The following HS3ST5 variants were observed in gnomAD, a reference collection of about 807,000 sequenced individuals.
HS3ST5 encodes heparan sulfate-glucosamine 3-sulfotransferase 5, also known as heparan sulfate glucosamine 3-O-sulfotransferase 5.
Under a neutral mutation model 25.4 loss-of-function variants are expected in HS3ST5, and 10 were observed. The observed-to-expected ratio is 0.39, with a 90% CI of 0.24 to 0.67. HS3ST5 has a LOEUF of 0.67. Among genes scored for constraint, HS3ST5 ranks in the 30% least tolerant of loss-of-function variants. HS3ST5 has a pLI of 0.44. For synonymous variants in HS3ST5, 170 were observed against 162.4 expected, an observed-to-expected ratio of 1.05 and a Z score of -0.36; for missense variants, 324 against 420.7, an observed-to-expected ratio of 0.77 and a Z score of 2.01.
rs145819614 is a variant in HS3ST5 at position 114,079,849 on chromosome 6, G to A, written c.-32-16972C>T. ...TGCAATGGTGCGATCTCAGCTCACCGCAACCTCCACCTACCTCCTGGGTTC... is the reference window on the plus strand; with the variant it reads ...TGCAATGGTGCGATCTCAGCTCACCACAACCTCCACCTACCTCCTGGGTTC... On this transcript the variant is annotated intron_variant, in intron 3 of 4. Coordinates refer to ENST00000312719, the MANE Select transcript of HS3ST5 (RefSeq NM_153612.4). Among the ~76,000 whole-genome samples the A allele has an allele frequency of 2.6e-4, 40 of 152,186 alleles. 1 individual carries two copies. In the East Asian group the frequency reaches 5.2e-3, roughly 20 times the overall value.
chr6:114,092,443 T>G (rs554606580), intron 3 of HS3ST5, among the ~76,000 whole-genome samples: 1 of 151,258 alleles, frequency 6.6e-6, no homozygotes, highest in Non-Finnish European at 1.5e-5. Context: ...AACCTGAAAC[T>G]TAGCACACCT....
At chr6:114,337,314 A>C (rs562939697) in intron 1 of HS3ST5, among the ~76,000 whole-genome samples, 62 of 152,342 alleles carry the variant, frequency 4.1e-4, no homozygotes, top group African/African-American at 1.5e-3. Flanking sequence ...TATTAATGGG[A>C]TGCCAACTGT....
intron 1 of HS3ST5, among the ~76,000 whole-genome samples, chr6:114,247,840 T>G (rs958834369): frequency 6.6e-6 from 1 of 151,702 alleles, no homozygotes; most frequent in Non-Finnish European, 1.5e-5. Flanking sequence ...ACTTGAATTT[T>G]TTTTAAGTCA....
intron 1 of HS3ST5, among the ~76,000 whole-genome samples, chr6:114,305,516 C>T (rs879639247): frequency 6.6e-6 from 1 of 152,064 alleles, no homozygotes; most frequent in South Asian, 2.1e-4. Context: ...TCAAAGGACC[C>T]ACATGAACTT....
intron 3 of HS3ST5, among the ~76,000 whole-genome samples, chr6:114,153,776 A>G (rs1778568951): frequency 6.6e-6 from 1 of 152,186 alleles, no homozygotes; most frequent in Non-Finnish European, 1.5e-5. Flanking sequence ...GGTGTCAGCT[A>G]TAGTCACCTT....
chr6:114,230,895 C>T (rs934007768), intron 1 of HS3ST5, among the ~76,000 whole-genome samples: 1 of 152,022 alleles, frequency 6.6e-6, no homozygotes, highest in Non-Finnish European at 1.5e-5. Context: ...GCCCCTAAGA[C>T]GTACTTCTTA....
In HS3ST5 at chr6:114,061,245, G is replaced by T. The variant is rs139926640; in HGVS notation, c.107+1494C>A. 3.1e-3 allele frequency among the ~76,000 whole-genome samples: 469 copies of T among 152,328 alleles called. 4 individuals carry two copies. The highest frequency in any genetic ancestry group is 0.011 in the African/African-American group (460 of 41,568). On this transcript the variant is annotated intron_variant, in intron 4 of 4. Transcript: ENST00000312719. ...ATTAAAGGTCAGTTGGGGAGGGCTG[G>T]ATATAAGAGTTCCATTACAGAGGTA... is the stretch of plus-strand genomic sequence containing the variant.
chr6:114,130,463 G>A lies in HS3ST5; in HGVS notation c.-33+37888C>T, dbSNP rs138822025. On this transcript the variant is annotated intron_variant, in intron 3 of 4. Transcript: ENST00000312719. ...GTTTATAGAAAAATCTGGGGTGGGA[G>A]ATGGTGGCTCATGCCTGTAATCCCA... is the stretch of plus-strand genomic sequence containing the variant. Among the ~76,000 whole-genome samples the A allele has an allele frequency of 5.6e-4, 85 of 152,330 alleles. No homozygotes were observed. In the East Asian group the frequency reaches 0.014, roughly 25 times the overall value.
At chr6:114,113,690 A>T (rs1168280950) in intron 3 of HS3ST5, among the ~76,000 whole-genome samples, 1 of 151,938 alleles carries the variant, frequency 6.6e-6, no homozygotes, top group Non-Finnish European at 1.5e-5. Context: ...CCATCCATTT[A>T]TTATCTGCCT....
At chr6:114,195,535 C>G (rs534042009) in intron 2 of HS3ST5, among the ~76,000 whole-genome samples, 11 of 152,136 alleles carry the variant, frequency 7.2e-5, no homozygotes, top group Non-Finnish European at 1.6e-4. Context: ...CTAAATACAC[C>G]TGTGTCCAGG....
At chr6:114,290,179 T>A (rs964552973) in intron 1 of HS3ST5, among the ~76,000 whole-genome samples, 1 of 152,146 alleles carries the variant, frequency 6.6e-6, no homozygotes, top group Non-Finnish European at 1.5e-5. Context: ...TCTATTGTAA[T>A]TACATTTTTA....
intron 1 of HS3ST5, among the ~76,000 whole-genome samples, chr6:114,331,199 T>C (rs1379921834): frequency 6.6e-6 from 1 of 152,206 alleles, no homozygotes; most frequent in Non-Finnish European, 1.5e-5. Context: ...CTTAGGGCAA[T>C]GGAATTATTG....
intron 3 of HS3ST5, among the ~76,000 whole-genome samples, chr6:114,107,088 G>C (rs1437614832): frequency 6.6e-6 from 1 of 152,088 alleles, no homozygotes; most frequent in African/African-American, 2.4e-5. Context: ...TTGAGTAAGA[G>C]ATTAAGAAGG....
At chr6:114,235,037 C>T (rs1296924939) in intron 1 of HS3ST5, among the ~76,000 whole-genome samples, 2 of 152,034 alleles carry the variant, frequency 1.3e-5, no homozygotes, top group Non-Finnish European at 2.9e-5. Flanking sequence ...GCAGGAGAAT[C>T]GCTTGAACCT....
chr6:114,267,598 A>T (rs1263962740), intron 1 of HS3ST5, among the ~76,000 whole-genome samples: 1 of 147,458 alleles, frequency 6.8e-6, no homozygotes, highest in Non-Finnish European at 1.5e-5. Context: ...GAGTTGGAGT[A>T]CTTACTTCTT....
At chr6:114,296,497 T>C (rs536908005) in intron 1 of HS3ST5, among the ~76,000 whole-genome samples, 19 of 152,340 alleles carry the variant, frequency 1.2e-4, no homozygotes, top group African/African-American at 4.6e-4. Context: ...GTATAATCCA[T>C]AGAAAGGAAA....
intron 3 of HS3ST5, among the ~76,000 whole-genome samples, chr6:114,105,918 A>G (rs2114835031): frequency 6.6e-6 from 1 of 152,280 alleles, no homozygotes; most frequent in African/African-American, 2.4e-5. Flanking sequence ...AATAGATTGC[A>G]CACATGTTCT....
chr6:114,316,276 C>A (rs1431717639), intron 1 of HS3ST5, among the ~76,000 whole-genome samples: 6 of 152,050 alleles, frequency 3.9e-5, no homozygotes. Context: ...ACAAATTATA[C>A]CAAAATGTCA....
chr6:114,282,672 C>T (rs1311672164), intron 1 of HS3ST5, among the ~76,000 whole-genome samples: 1 of 151,966 alleles, frequency 6.6e-6, no homozygotes, highest in Non-Finnish European at 1.5e-5. Flanking sequence ...TGGAACTGTT[C>T]TTTTTCCACA....
Sources: allele counts gnomAD v4.1 joint callset (sites outside exome capture counted in the v4.1 genomes callset), GRCh38; gene constraint gnomAD v4.1.1; transcripts MANE v1.5; gene names NCBI Gene and HGNC (gene_info 2026-07-23, HGNC 2026-07-21).